NLGN1: variants seen among roughly 807,000 people sequenced by gnomAD.
NLGN1 encodes the protein neuroligin-1.
NLGN1 carries 12 observed loss-of-function variants against 65.5 expected under a neutral mutation model. The ratio of observed to expected loss-of-function variants is 0.18; its 90% confidence interval spans 0.12 to 0.30. The LOEUF (loss-of-function observed/expected upper bound fraction) is 0.30. Ranked by LOEUF, NLGN1 falls within the 10% of genes least tolerant of loss-of-function variation. The pLI is 1.00. For synonymous variants in NLGN1, 350 were observed against 359.5 expected (o/e 0.97, Z 0.30); for missense variants, 750 against 1,007.1 (o/e 0.74, Z 3.46).
chr3:173,436,734 TAGG>T (rs1367454775), intron 2 of NLGN1, among the ~76,000 whole-genome samples: 2 of 152,132 alleles, frequency 1.3e-5, no homozygotes, highest in Non-Finnish European at 2.9e-5. Flanking sequence ...AAGACAATGG[TAGG>T]AGAACAGAGT....
rs1722513322 is a variant in NLGN1 at position 173,456,353 on chromosome 3, G to A, written c.-321+21275G>A. 1.3e-5 allele frequency among the ~76,000 whole-genome samples: 2 copies of A among 152,092 alleles called. 1 individual carries two copies. Among genetic ancestry groups the A allele is most frequent in the South Asian group, 4.1e-4 (2 of 4,828 alleles). ...AAGATACCTCTTGGGAAGCAATATA[G>A]CATGAGGGTTGAGAACATGGACTGA... On this transcript the variant is annotated intron_variant, in intron 2 of 6. Transcript: ENST00000457714.
At chr3:173,749,779 A>C (rs1239354528) in intron 3 of NLGN1, among the ~76,000 whole-genome samples, 1 of 152,102 alleles carries the variant, frequency 6.6e-6, no homozygotes, top group Non-Finnish European at 1.5e-5. Context: ...AGTGATGACT[A>C]ATACATATTA....
chr3:173,494,073 T>G (rs1419661763), intron 2 of NLGN1, among the ~76,000 whole-genome samples: 1 of 151,714 alleles, frequency 6.6e-6, no homozygotes, highest in Non-Finnish European at 1.5e-5. Flanking sequence ...ATCTGTGCCC[T>G]GTTTTTCCCA....
chr3:173,720,114 TA>T (rs1040657892), intron 3 of NLGN1, among the ~76,000 whole-genome samples: 1 of 151,838 alleles, frequency 6.6e-6, no homozygotes, highest in African/African-American at 2.4e-5. Context: ...ACTGTGTCTC[TA>T]AAAAAATAAA....
intron 2 of NLGN1, among the ~76,000 whole-genome samples, chr3:173,595,581 C>G (rs1749330754): frequency 1.3e-5 from 2 of 152,184 alleles, no homozygotes; most frequent in Admixed American, 6.5e-5. Flanking sequence ...TTACCCAGTT[C>G]CAAAGTTGCT....
chr3:174,062,547 G>C (rs1490980779), intron 4 of NLGN1, among the ~76,000 whole-genome samples: 1 of 151,766 alleles, frequency 6.6e-6, no homozygotes, highest in African/African-American at 2.4e-5. Context: ...TCAATGGCTT[G>C]AACGTATTCT....
At chr3:174,131,941 G>T (rs979261529) in intron 4 of NLGN1, among the ~76,000 whole-genome samples, 2 of 152,098 alleles carry the variant, frequency 1.3e-5, no homozygotes, top group Non-Finnish European at 2.9e-5. Context: ...TGCCTATTTG[G>T]TACCATGTGT....
intron 3 of NLGN1, among the ~76,000 whole-genome samples, chr3:173,807,109 C>T (rs1033137506): frequency 6.6e-6 from 1 of 152,132 alleles, no homozygotes; most frequent in Non-Finnish European, 1.5e-5. Context: ...CCTAAACATT[C>T]ATCTGACATT....
At chr3:173,944,124 G>GTTGTGTGTGT (rs34721217) in intron 4 of NLGN1, among the ~76,000 whole-genome samples, 18,480 of 139,376 alleles carry the variant, frequency 0.13, 1,294 homozygotes, top group Non-Finnish European at 0.15. Context: ...TAATATTATG[G>GTTGTGTGTGT]GTGTGTGTGT....
chr3:173,771,064 A>C (rs557194542), intron 3 of NLGN1, among the ~76,000 whole-genome samples: 58 of 152,138 alleles, frequency 3.8e-4, no homozygotes, highest in Non-Finnish European at 7.8e-4. Context: ...TTCATCTCAA[A>C]TGCACTTCCA....
At chr3:173,491,825 A>G (rs565458950) in intron 2 of NLGN1, among the ~76,000 whole-genome samples, 8 of 151,866 alleles carry the variant, frequency 5.3e-5, no homozygotes, top group African/African-American at 1.7e-4. Context: ...AGCTCCCTAT[A>G]GAATCACATG....
chr3:174,231,415 T>G (rs1183949740), intron 4 of NLGN1, among the ~76,000 whole-genome samples: 2 of 152,150 alleles, frequency 1.3e-5, no homozygotes, highest in African/African-American at 4.8e-5. Flanking sequence ...TGAATGCAGT[T>G]TGAACATTCA....
chr3:173,879,879 C>T (rs1381661675), intron 4 of NLGN1, among the ~76,000 whole-genome samples: 1 of 152,070 alleles, frequency 6.6e-6, no homozygotes, highest in Non-Finnish European at 1.5e-5. Context: ...AACAAAATTT[C>T]ATGTAAATGA....
chr3:173,804,115 A>G (rs1262894895), intron 3 of NLGN1, among the ~76,000 whole-genome samples: 4 of 152,168 alleles, frequency 2.6e-5, no homozygotes, highest in Non-Finnish European at 5.9e-5. Flanking sequence ...TAAGAAAGAT[A>G]AAATAGGTAC....
At chr3:173,997,405 T>C (rs1244111536) in intron 4 of NLGN1, among the ~76,000 whole-genome samples, 1 of 152,138 alleles carries the variant, frequency 6.6e-6, no homozygotes, top group Non-Finnish European at 1.5e-5. Flanking sequence ...TCAAAACTCA[T>C]TGCACTTTTG....
intron 4 of NLGN1, among the ~76,000 whole-genome samples, chr3:173,833,757 T>C (rs1723053827): frequency 6.6e-6 from 1 of 152,130 alleles, no homozygotes; most frequent in Non-Finnish European, 1.5e-5. Flanking sequence ...GGCCTCAGCC[T>C]CCCAAAGTGC....
At chr3:173,894,698 C>T (rs1165152684) in intron 4 of NLGN1, among the ~76,000 whole-genome samples, 1 of 147,472 alleles carries the variant, frequency 6.8e-6, no homozygotes, top group Non-Finnish European at 1.5e-5. Context: ...ATGGCAATGG[C>T]ACATTATTGG....
intron 4 of NLGN1, among the ~76,000 whole-genome samples, chr3:174,124,173 C>T (rs1049970260): frequency 2.0e-5 from 3 of 152,090 alleles, no homozygotes; most frequent in African/African-American, 7.2e-5. Context: ...TCTTAAACTT[C>T]CCAGCCTCTA....
intron 2 of NLGN1, among the ~76,000 whole-genome samples, chr3:173,543,789 A>G (rs889902916): frequency 6.6e-6 from 1 of 152,148 alleles, no homozygotes; most frequent in African/African-American, 2.4e-5. Flanking sequence ...AATGGCATAG[A>G]AACAGACACA....
Sources: allele counts gnomAD v4.1 joint callset (sites outside exome capture counted in the v4.1 genomes callset), GRCh38; gene constraint gnomAD v4.1.1; transcripts MANE v1.5; gene names NCBI Gene and HGNC (gene_info 2026-07-23, HGNC 2026-07-21).